The following PDGFRL variants were observed in gnomAD, a reference collection of about 807,000 sequenced individuals.
PDGFRL encodes platelet derived growth factor receptor like.
PDGFRL carries 46 observed loss-of-function variants against 37.2 expected under a neutral mutation model. The observed-to-expected ratio is 1.24, with a 90% confidence interval of 0.98 to 1.58. PDGFRL has a LOEUF of 1.58. Ranked by LOEUF, PDGFRL falls within the 40% of genes most tolerant of loss-of-function variation. PDGFRL has a pLI of 0.00. For missense variants in PDGFRL, 692 were observed against 467.6 expected, an observed-to-expected ratio of 1.48 and a Z score of -4.43; for synonymous variants, 251 against 184.3, an observed-to-expected ratio of 1.36 and a Z score of -2.93.
chr8:17,628,499 T>C lies in PDGFRL; in HGVS notation c.518T>C (p.Leu173Pro), dbSNP rs766283620. The C allele has an allele frequency of 1.9e-6, 3 of 1,613,368 alleles. No homozygotes were observed. The highest frequency in any genetic ancestry group is 2.2e-5 in the South Asian group (2 of 91,072). ...CTTCCCTTTGCAGAGAAAGGAGAAC[T>C]CTTTGTACCTTCTCCCAGCTACTTC... The part of the protein sequence containing the change: ...TYIFFTEKGE[L>P]FVPSPSYFDV... The change falls in exon 4 of 6, where the codon CTC (leucine) becomes CCC (proline). Residue 173 changes from leucine (L) to proline (P), a missense_variant. Coordinates refer to ENST00000251630, the MANE Select transcript of PDGFRL (RefSeq NM_001372073.1).
chr8:17,640,821 G>A (rs574912999), intron 5 of PDGFRL, among the ~76,000 whole-genome samples: 149 of 152,274 alleles, frequency 9.8e-4, no homozygotes, highest in African/African-American at 3.5e-3. Context: ...GTGGTGGGCA[G>A]GACCCTAGAG....
intron 1 of PDGFRL, among the ~76,000 whole-genome samples, chr8:17,584,398 C>T (rs1472403575): frequency 6.6e-6 from 1 of 150,908 alleles, no homozygotes; most frequent in Non-Finnish European, 1.5e-5. Flanking sequence ...AGTGTAGAGG[C>T]GGGGTCAGGA....
intron 2 of PDGFRL, among the ~76,000 whole-genome samples, chr8:17,617,955 A>G (rs1462544349): frequency 6.6e-6 from 1 of 151,436 alleles, no homozygotes; most frequent in Admixed American, 6.6e-5. Context: ...TATTGTCCAC[A>G]TGGGGAGACT....
At chr8:17,619,899 T>C (rs991173043) in intron 2 of PDGFRL, among the ~76,000 whole-genome samples, 1 of 152,200 alleles carries the variant, frequency 6.6e-6, no homozygotes, top group African/African-American at 2.4e-5. Context: ...CTCTTTGACA[T>C]TTATTATTTC....
intron 1 of PDGFRL, 107 bp downstream of exon 1, chr8:17,577,414 G>T (rs1803609711): frequency 2.1e-6 from 2 of 942,536 alleles, no homozygotes; most frequent in Admixed American, 4.0e-5. Flanking sequence ...TTCGGCCCTC[G>T]GTGGCTCAGC....
chr8:17,621,391 C>T lies in PDGFRL; in HGVS notation c.505+189C>T, dbSNP rs544464608. 7.7e-4 allele frequency among the ~76,000 whole-genome samples: 115 copies of T among 149,726 alleles called. 1 individual carries two copies. The South Asian group carries it at 0.013, about 17-fold the overall frequency. On this transcript the variant is annotated intron_variant, in intron 3 of 5. Coordinates refer to ENST00000251630, the MANE Select transcript of PDGFRL (RefSeq NM_001372073.1). Reference sequence around the variant, plus strand: ...TTACCGTAACCCTTCAGGGCAAATACTAATATTATTCCTGTTTTTTTTTTT... The same window carrying T: ...TTACCGTAACCCTTCAGGGCAAATATTAATATTATTCCTGTTTTTTTTTTT...
chr8:17,636,963 T>A (rs561672960), intron 5 of PDGFRL, among the ~76,000 whole-genome samples: 1 of 152,338 alleles, frequency 6.6e-6, no homozygotes, highest in South Asian at 2.1e-4. Context: ...TACATTAATT[T>A]TGTATCCTGA....
At chr8:17,599,953 A>G (rs66688130) in intron 2 of PDGFRL, among the ~76,000 whole-genome samples, 39,936 of 151,970 alleles carry the variant, frequency 0.26, 5,895 homozygotes, top group African/African-American at 0.4. Flanking sequence ...ATTCTGGATC[A>G]TCAACATCTC....
chr8:17,611,200 C>G (rs1585318150), intron 2 of PDGFRL, among the ~76,000 whole-genome samples: 1 of 152,296 alleles, frequency 6.6e-6, no homozygotes, highest in East Asian at 1.9e-4. Context: ...GTGAGACATC[C>G]AACCAGATGA....
intron 2 of PDGFRL, among the ~76,000 whole-genome samples, chr8:17,604,148 T>C (rs972250896): frequency 1.3e-5 from 2 of 152,196 alleles, no homozygotes; most frequent in African/African-American, 4.8e-5. Context: ...GACTGTAAAC[T>C]AGTTCAACCA....
In PDGFRL at chr8:17,634,041, G is replaced by T. The variant is rs201484559; in HGVS notation, c.800-33G>T. Reference sequence around the variant, plus strand: ...GTTTGTTTTCAAGGTTACACTCGGGGTCTCACTCTGCCTGTTTCGTGCTTG... The same window carrying T: ...GTTTGTTTTCAAGGTTACACTCGGGTTCTCACTCTGCCTGTTTCGTGCTTG... On this transcript the variant is annotated intron_variant, in intron 4 of 5. Coordinates refer to ENST00000251630, the MANE Select transcript of PDGFRL (RefSeq NM_001372073.1). The T allele has an allele frequency of 2.9e-5, 46 of 1,609,872 alleles. No homozygotes were observed. The Middle Eastern group carries it at 9.9e-4, about 35-fold the overall frequency.
Position 17,628,570 on chromosome 8 carries a change from C to G in PDGFRL, c.589C>G (p.Arg197Gly). Residue 197 changes from arginine to glycine, a missense_variant, in exon 4 of 6, where the codon CGG becomes GGG. Physicochemically the swap from Arg to Gly is moderately radical, Grantham distance 125. Transcript: ENST00000251630. ...NPDRQAVVPC[R>G]VTVLSAKVTL... The stretch of plus-strand genomic sequence containing the variant: ...GGACAGACAGGCTGTGGTTCCTTGT[C>G]GGGTGACCGTGCTGTCGGCCAAAGT... The G allele has an allele frequency of 6.2e-7, 1 of 1,614,004 alleles. No individual in the cohort carries two copies. The highest frequency in any genetic ancestry group is 8.5e-7 in the Non-Finnish European group (1 of 1,179,878).
In PDGFRL at chr8:17,621,102, G is replaced by T; in HGVS notation, c.405G>T (p.Ser135=). Residue 135 remains serine, a synonymous_variant, in exon 3 of 6, where the codon TCG becomes TCT. Coordinates refer to ENST00000251630, the MANE Select transcript of PDGFRL (RefSeq NM_001372073.1). The part of the protein sequence containing the change: ...YGQLTLVNST[S]ADTGEFSCWV... ...AGTTGACTCTGGTCAACTCCACCTCGGCAGACACAGGTGAATTCAGCTGCT... is the reference window on the plus strand; with the variant it reads ...AGTTGACTCTGGTCAACTCCACCTCTGCAGACACAGGTGAATTCAGCTGCT... 3 of 1,611,754 alleles carry T rather than the reference G, an allele frequency of 1.9e-6. No individual in the cohort carries two copies. Among genetic ancestry groups the T allele is most frequent in the South Asian group, 1.1e-5 (1 of 90,834 alleles).
intron 2 of PDGFRL, among the ~76,000 whole-genome samples, chr8:17,605,730 G>T (rs981764022): frequency 2.6e-5 from 4 of 152,234 alleles, no homozygotes; most frequent in Non-Finnish European, 5.9e-5. Context: ...CCCTGGTCCT[G>T]CTCCCTAGGA....
rs571904242 is a variant in PDGFRL at position 17,611,788 on chromosome 8, G to C, written c.354-9263G>C. Among the ~76,000 whole-genome samples, 408 of 152,352 alleles carry C rather than the reference G, an allele frequency of 2.7e-3. 4 individuals are homozygous for C. The highest frequency in any genetic ancestry group is 8.8e-3 in the African/African-American group (367 of 41,584). ...TTTCAGGAAAGTATATCTGATACGT[G>C]ATGAAAGGCATCTGAAGGGGATGGG... On this transcript the variant is annotated intron_variant, in intron 2 of 5. Transcript: ENST00000251630.
chr8:17,577,438 C>A (rs943467359), intron 1 of PDGFRL, 131 bp downstream of exon 1: 4 of 757,590 alleles, frequency 5.3e-6, no homozygotes, highest in East Asian at 5.3e-5. Flanking sequence ...CGCGCCACTG[C>A]CTGCCCGGTG....
chr8:17,604,738 T>C (rs1158580747), intron 2 of PDGFRL, among the ~76,000 whole-genome samples: 1 of 152,086 alleles, frequency 6.6e-6, no homozygotes, highest in African/African-American at 2.4e-5. Context: ...AGTATAATAA[T>C]AATAAAATTT....
rs1320106420 is a variant in PDGFRL at position 17,589,683 on chromosome 8, A to G, written c.271A>G (p.Thr91Ala). The change falls in exon 2 of 6, where the codon ACT (threonine) becomes GCT (alanine). Residue 91 changes from threonine to alanine, a missense_variant. Thr to Ala is a moderately conservative substitution (Grantham distance 58). Coordinates refer to ENST00000251630, the MANE Select transcript of PDGFRL (RefSeq NM_001372073.1). ...AATLSLLAGQTVELRCKGSRI... is the reference protein window; with the variant it reads ...AATLSLLAGQAVELRCKGSRI... ...TACCCTGAGTCTGCTGGCGGGGCAA[A>G]CTGTAGAGCTTCGATGTAAAGGGAG... 9 of 1,613,568 alleles carry G rather than the reference A, an allele frequency of 5.6e-6. No individual in the cohort carries two copies. The highest frequency in any genetic ancestry group is 1.1e-5 in the South Asian group (1 of 91,060).
chr8:17,587,226 C>G (rs1341064665), intron 1 of PDGFRL, among the ~76,000 whole-genome samples: 7 of 152,078 alleles, frequency 4.6e-5, no homozygotes, highest in African/African-American at 1.7e-4. Flanking sequence ...GCTATTTGGT[C>G]AAAAGGTCAA....
Sources: allele counts gnomAD v4.1 joint callset (sites outside exome capture counted in the v4.1 genomes callset), GRCh38; gene constraint gnomAD v4.1.1; transcripts MANE v1.5; gene names NCBI Gene and HGNC (gene_info 2026-07-23, HGNC 2026-07-21).